Variants in SIK3 observed in about 807,000 individuals in gnomAD.
SIK3 encodes the protein serine/threonine-protein kinase SIK3.
A neutral mutation model predicts 144.2 loss-of-function variants in SIK3; 28 were observed. The observed-to-expected ratio is 0.19, with a 90% CI of 0.14 to 0.27. The LOEUF (loss-of-function observed/expected upper bound fraction) is 0.27. Among genes scored for constraint, SIK3 ranks in the 10% least tolerant of loss-of-function variants. The probability of loss-of-function intolerance (pLI) is 1.00; values close to 1 mark genes in which losing one functional copy is unlikely to be tolerated. For missense variants in SIK3, 1,319 were observed against 1,776.0 expected (o/e 0.74, Z 4.62); for synonymous variants, 686 against 676.3 (o/e 1.01, Z -0.22).
At chr11:117,009,127 T>TG (rs933766471) in intron 1 of SIK3, among the ~76,000 whole-genome samples, 1 of 149,006 alleles carries the variant, frequency 6.7e-6, no homozygotes, top group South Asian at 2.1e-4. Flanking sequence ...CCCAGCTACT[T>TG]GGGGGGCTGA....
At chr11:117,057,507 G>T (rs11216252) in intron 1 of SIK3, among the ~76,000 whole-genome samples, 2 of 152,008 alleles carry the variant, frequency 1.3e-5, no homozygotes, top group Non-Finnish European at 2.9e-5. Flanking sequence ...CATTCAATAG[G>T]AACAAGTACT....
intron 3 of SIK3, among the ~76,000 whole-genome samples, chr11:116,932,163 G>A (rs767027206): frequency 1.3e-5 from 2 of 151,982 alleles, no homozygotes; most frequent in Non-Finnish European, 2.9e-5. Flanking sequence ...CTCCACTCTA[G>A]TGCCACCAGC....
intron 1 of SIK3, among the ~76,000 whole-genome samples, chr11:116,975,281 T>C (rs1160637145): frequency 6.6e-6 from 1 of 152,004 alleles, no homozygotes; most frequent in East Asian, 1.9e-4. Context: ...CACAGGATAG[T>C]GCAACCATCA....
chr11:117,041,385 C>T (rs1419823730), intron 1 of SIK3, among the ~76,000 whole-genome samples: 1 of 152,132 alleles, frequency 6.6e-6, no homozygotes, highest in African/African-American at 2.4e-5. Flanking sequence ...CAGGGATCCA[C>T]AAGACACTGG....
chr11:116,999,875 A>G (rs1950791654), intron 1 of SIK3, among the ~76,000 whole-genome samples: 1 of 152,234 alleles, frequency 6.6e-6, no homozygotes, highest in African/African-American at 2.4e-5. Flanking sequence ...CAGGTTGTTG[A>G]TACATTATTG....
At chr11:117,033,671 T>G (rs1952363779) in intron 1 of SIK3, among the ~76,000 whole-genome samples, 1 of 133,056 alleles carries the variant, frequency 7.5e-6, no homozygotes, top group South Asian at 2.2e-4. Flanking sequence ...ATTGCGCCAC[T>G]GCACTCCAGT....
At chr11:116,989,479 A>C (rs1950430084) in intron 1 of SIK3, among the ~76,000 whole-genome samples, 1 of 152,196 alleles carries the variant, frequency 6.6e-6, no homozygotes, top group South Asian at 2.1e-4. Flanking sequence ...CTAAATCCCA[A>C]GAGCAAACAA....
intron 4 of SIK3, among the ~76,000 whole-genome samples, chr11:116,902,852 T>G (rs1261510238): frequency 6.6e-6 from 1 of 152,200 alleles, no homozygotes; most frequent in African/African-American, 2.4e-5. Flanking sequence ...GAGCCTGCGG[T>G]ATCCTAATTC....
At chr11:116,924,284 A>G (rs1353653486) in intron 4 of SIK3, among the ~76,000 whole-genome samples, 2 of 151,012 alleles carry the variant, frequency 1.3e-5, no homozygotes, top group East Asian at 3.9e-4. Context: ...CAACAGTGTG[A>G]GACTCCATCT....
At chr11:116,988,593 C>A (rs1037142848) in intron 1 of SIK3, among the ~76,000 whole-genome samples, 9 of 151,834 alleles carry the variant, frequency 5.9e-5, no homozygotes, top group Non-Finnish European at 1.5e-5. Context: ...CCAGCCTAGG[C>A]AACACAGCAA....
At chr11:117,034,955 A>G (rs571060936) in intron 1 of SIK3, among the ~76,000 whole-genome samples, 243 of 152,368 alleles carry the variant, frequency 1.6e-3, no homozygotes, top group African/African-American at 4.8e-3. Context: ...ACTTTGTAAC[A>G]TAAGGTTGTG....
chr11:117,054,202 A>G (rs1953401283), intron 1 of SIK3, among the ~76,000 whole-genome samples: 1 of 152,210 alleles, frequency 6.6e-6, no homozygotes, highest in African/African-American at 2.4e-5. Flanking sequence ...GACAGACTAG[A>G]TGTTTGGGGT....
At chr11:116,954,170 AACTAATG>A (rs757462764) in intron 2 of SIK3, 63 bp from the exon 3 acceptor site, 92 of 1,233,088 alleles carry the variant, frequency 7.5e-5, no homozygotes, top group Non-Finnish European at 1.1e-4. Context: ...CAGGAAGATA[AACTAATG>A]ACTCCTCTTT....
chr11:117,084,090 C>T (rs1288337211), intron 1 of SIK3, among the ~76,000 whole-genome samples: 2 of 152,132 alleles, frequency 1.3e-5, no homozygotes, highest in African/African-American at 4.8e-5. Context: ...TTTAAATTAA[C>T]GCAGAAGCTC....
At chr11:117,058,174 G>A (rs1953626153) in intron 1 of SIK3, among the ~76,000 whole-genome samples, 4 of 152,128 alleles carry the variant, frequency 2.6e-5, no homozygotes. Flanking sequence ...AAGCTAAGGC[G>A]CTAAGAGGAC....
At chr11:117,093,802 CT>C (rs750224988) in intron 1 of SIK3, among the ~76,000 whole-genome samples, 2 of 151,310 alleles carry the variant, frequency 1.3e-5, no homozygotes, top group Admixed American at 6.6e-5. Flanking sequence ...TAGTAGCAAA[CT>C]TTTTTTTTAC....
chr11:116,922,927 T>C (rs1407672629), intron 4 of SIK3, among the ~76,000 whole-genome samples: 1 of 119,464 alleles, frequency 8.4e-6, no homozygotes, highest in East Asian at 2.1e-4. Flanking sequence ...TTTTTTTTTT[T>C]TTTTTTTGAG....
At chr11:116,904,146 A>G (rs916226259) in intron 4 of SIK3, among the ~76,000 whole-genome samples, 1 of 152,184 alleles carries the variant, frequency 6.6e-6, no homozygotes, top group African/African-American at 2.4e-5. Flanking sequence ...CTAACAAACC[A>G]AAGGCATAAA....
chr11:117,016,185 G>A (rs1370905318), intron 1 of SIK3, among the ~76,000 whole-genome samples: 11 of 151,710 alleles, frequency 7.3e-5, no homozygotes, highest in Non-Finnish European at 1.6e-4. Flanking sequence ...AATTAGCCTA[G>A]TGTAATGGTG....
Sources: allele counts gnomAD v4.1 joint callset (sites outside exome capture counted in the v4.1 genomes callset), GRCh38; gene constraint gnomAD v4.1.1; transcripts MANE v1.5; gene names NCBI Gene and HGNC (gene_info 2026-07-23, HGNC 2026-07-21).